The following LGSN variants were observed in gnomAD, a reference collection of about 807,000 sequenced individuals.
The protein encoded by LGSN is lengsin, lens protein with glutamine synthetase domain, also known as lengsin.
In LGSN, 21 loss-of-function variants were observed where a neutral mutation model predicts 19.5. The observed-to-expected ratio is 1.07, with a 90% CI of 0.76 to 1.55. The LOEUF (loss-of-function observed/expected upper bound fraction) is 1.55, where lower values mean the gene tolerates loss of function less well. Ranked by LOEUF, LGSN falls within the 40% of genes most tolerant of loss-of-function variation. LGSN has a pLI of 0.00. For synonymous variants in LGSN, 257 were observed against 215.6 expected (o/e 1.19, Z -1.68); for missense variants, 673 against 608.5 (o/e 1.11, Z -1.12).
At chr6:63,467,561 C>A in the LGSN span, among the ~76,000 whole-genome samples, 2 of 152,184 alleles carry the variant, frequency 1.3e-5, no homozygotes, top group African/African-American at 2.4e-5. Context: ...CAATGGGGCA[C>A]CTTCTCCCTG....
chr6:63,377,673 G>T, the LGSN span, among the ~76,000 whole-genome samples: 117 of 152,202 alleles, frequency 7.7e-4, no homozygotes, highest in African/African-American at 2.8e-3. Context: ...AGCACTTTGG[G>T]AAGCCGAGGC....
chr6:63,463,516 C>T, the LGSN span, among the ~76,000 whole-genome samples: 1 of 152,028 alleles, frequency 6.6e-6, no homozygotes, highest in Non-Finnish European at 1.5e-5. Context: ...TGTTCAAGTT[C>T]CTCTTTACTA....
At chr6:63,535,040 AC>A in the LGSN span, among the ~76,000 whole-genome samples, 2 of 152,126 alleles carry the variant, frequency 1.3e-5, no homozygotes, top group Non-Finnish European at 2.9e-5. Context: ...AGCCTGGGCA[AC>A]AAGAGTGAAA....
At chr6:63,430,420 G>T in the LGSN span, among the ~76,000 whole-genome samples, 1 of 151,978 alleles carries the variant, frequency 6.6e-6, no homozygotes, top group Non-Finnish European at 1.5e-5. Context: ...ACAGAGTCTT[G>T]CTCTGTCTCT....
At chr6:63,487,398 G>A in the LGSN span, among the ~76,000 whole-genome samples, 9,557 of 152,210 alleles carry the variant, frequency 0.063, 1,035 homozygotes, top group African/African-American at 0.22. Context: ...TAAGTCAATC[G>A]GCTCCCTGCC....
chr6:63,429,652 C>T, the LGSN span, among the ~76,000 whole-genome samples: 1 of 150,892 alleles, frequency 6.6e-6, no homozygotes, highest in African/African-American at 2.4e-5. Flanking sequence ...AGGAGAATCG[C>T]TTGAACCCAG....
At chr6:63,536,947 C>T in the LGSN span, among the ~76,000 whole-genome samples, 1 of 151,970 alleles carries the variant, frequency 6.6e-6, no homozygotes, top group Non-Finnish European at 1.5e-5. Flanking sequence ...ATTGACACTT[C>T]AACTGGGTAA....
intron 1 of LGSN, among the ~76,000 whole-genome samples, chr6:63,305,913 T>A (rs530561166): frequency 6.6e-6 from 1 of 151,968 alleles, no homozygotes; most frequent in African/African-American, 2.4e-5. Context: ...ATACAAAAAA[T>A]TAGCCAGATT....
At chr6:63,285,776 C>G in intron 2 of LGSN, 23 bp from the exon 3 acceptor site, 1 of 1,607,936 alleles carries the variant, frequency 6.2e-7, no homozygotes, top group Non-Finnish European at 8.5e-7. Flanking sequence ...AAAATAGGTT[C>G]TAACTCACGA....
At chr6:63,505,633 G>GAAAGAAAGAAAGAAAGAAAGAAAGAAAT in the LGSN span, among the ~76,000 whole-genome samples, 1 of 97,200 alleles carries the variant, frequency 1.0e-5, no homozygotes, top group Non-Finnish European at 2.1e-5. Context: ...AAGAAAGAAA[G>GAAAGAAAGAAAGAAAGAAAGAAAGAAAT]AAATTCTGGC....
At chr6:63,509,538 T>C in the LGSN span, among the ~76,000 whole-genome samples, 1 of 152,200 alleles carries the variant, frequency 6.6e-6, no homozygotes, top group African/African-American at 2.4e-5. Context: ...ATATTAATTA[T>C]ACCTTTTAGT....
chr6:63,505,866 G>A, the LGSN span, among the ~76,000 whole-genome samples: 1 of 152,068 alleles, frequency 6.6e-6, no homozygotes, highest in South Asian at 2.1e-4. Flanking sequence ...CACCATAGTG[G>A]CCAGTCTGGT....
the LGSN span, among the ~76,000 whole-genome samples, chr6:63,453,019 A>G: frequency 1.3e-5 from 2 of 152,104 alleles, no homozygotes; most frequent in Non-Finnish European, 2.9e-5. Flanking sequence ...AATATTTTAT[A>G]ATTTTAACTA....
At chr6:63,360,970 G>A in the LGSN span, among the ~76,000 whole-genome samples, 5 of 152,216 alleles carry the variant, frequency 3.3e-5, no homozygotes, top group Non-Finnish European at 4.4e-5. Flanking sequence ...GCAGAACAGC[G>A]GATATTGGTG....
chr6:63,566,399 T>G, the LGSN span, among the ~76,000 whole-genome samples: 3 of 151,922 alleles, frequency 2.0e-5, no homozygotes, highest in African/African-American at 7.3e-5. Context: ...AGGGTCGGGG[T>G]CAGTTTCTTT....
the LGSN span, among the ~76,000 whole-genome samples, chr6:63,565,059 G>A: frequency 1.3e-5 from 2 of 152,138 alleles, no homozygotes; most frequent in Non-Finnish European, 2.9e-5. Flanking sequence ...TGCCCCAGAT[G>A]GAGTGCAGTG....
chr6:63,287,820 T>G (rs533615861), intron 2 of LGSN, among the ~76,000 whole-genome samples: 1 of 152,274 alleles, frequency 6.6e-6, no homozygotes, highest in East Asian at 1.9e-4. Flanking sequence ...AAGGGTAATT[T>G]TATTGGTTCA....
At chr6:63,357,166 A>AT in the LGSN span, among the ~76,000 whole-genome samples, 3 of 151,958 alleles carry the variant, frequency 2.0e-5, no homozygotes, top group East Asian at 1.9e-4. Context: ...TGAACTCATC[A>AT]TTTTTTTATG....
At chr6:63,562,216 T>C in the LGSN span, among the ~76,000 whole-genome samples, 1 of 151,154 alleles carries the variant, frequency 6.6e-6, no homozygotes, top group African/African-American at 2.4e-5. Context: ...TTTTTTTTTT[T>C]GAGACAGAGT....
Sources: gnomAD v4.1 joint callset for allele counts (sites outside exome capture counted in the v4.1 genomes callset) on GRCh38, gnomAD v4.1.1 for gene constraint, MANE v1.5 for transcripts, NCBI Gene and HGNC (gene_info 2026-07-23, HGNC 2026-07-21) for gene names.